PDE4D: variants seen among roughly 807,000 people sequenced by gnomAD.
PDE4D encodes the protein phosphodiesterase 4D.
Under a neutral mutation model 87.4 loss-of-function variants are expected in PDE4D, and 24 were observed. The ratio of observed to expected loss-of-function variants is 0.27; its 90% CI spans 0.20 to 0.39. PDE4D has a LOEUF of 0.39. Among genes scored for constraint, PDE4D ranks in the 10% least tolerant of loss-of-function variants. The pLI, the probability that PDE4D is intolerant of heterozygous loss-of-function variation, is 1.00. For missense variants in PDE4D, 714 were observed against 1,041.0 expected (o/e 0.69, Z 4.32); for synonymous variants, 384 against 383.2 (o/e 1.00, Z -0.02).
intron 1 of PDE4D, among the ~76,000 whole-genome samples, chr5:59,377,408 C>A (rs1210540059): frequency 2.1e-5 from 3 of 140,800 alleles, no homozygotes; most frequent in Non-Finnish European, 3.1e-5. Flanking sequence ...CAGAGTGAGA[C>A]ACCCATCTCA....
At chr5:59,090,680 C>T (rs1768539647) in intron 5 of PDE4D, among the ~76,000 whole-genome samples, 1 of 151,678 alleles carries the variant, frequency 6.6e-6, no homozygotes, top group Non-Finnish European at 1.5e-5. Flanking sequence ...TAGGAAACAG[C>T]AACAACAACA....
intron 1 of PDE4D, among the ~76,000 whole-genome samples, chr5:60,328,343 A>G (rs1186615685): frequency 1.3e-5 from 2 of 152,174 alleles, no homozygotes; most frequent in Non-Finnish European, 2.9e-5. Flanking sequence ...GATCCCAGTT[A>G]TTATCTCCCA....
At chr5:60,391,148 G>C (rs930137051) in intron 1 of PDE4D, among the ~76,000 whole-genome samples, 7 of 152,066 alleles carry the variant, frequency 4.6e-5, no homozygotes, top group Non-Finnish European at 1.0e-4. Flanking sequence ...CTTGTTTACT[G>C]TTTGGCCTAG....
At chr5:59,768,143 A>T (rs1182234576) in intron 1 of PDE4D, 1 of 1,353,292 alleles carries the variant, frequency 7.4e-7, no homozygotes. Context: ...CCCGGTGAGG[A>T]ATGATGATGG....
Position 60,055,213 on chromosome 5 carries a change from T to C in PDE4D, c.43-66496A>G, listed in dbSNP as rs1474228805. Among the ~76,000 whole-genome samples, 3 of 152,022 alleles carry C rather than the reference T, an allele frequency of 2.0e-5. No individual in the cohort carries two copies. In the East Asian group the frequency reaches 5.8e-4, roughly 29 times the overall value. ...TATGGTGTTATAGATTGCAAATATA[T>C]ATTAAATTTAATTAAATATCTGAAA... On this transcript the variant is annotated intron_variant, in intron 2 of 16. Coordinates refer to the PDE4D transcript ENST00000502484.
intron 1 of PDE4D, among the ~76,000 whole-genome samples, chr5:59,555,809 C>T (rs2153689579): frequency 6.6e-6 from 1 of 152,208 alleles, no homozygotes; most frequent in South Asian, 2.1e-4. Context: ...TGCTCCACTC[C>T]TACCCTCATC....
chr5:60,181,620 A>T (rs1784382281), intron 2 of PDE4D, among the ~76,000 whole-genome samples: 1 of 152,252 alleles, frequency 6.6e-6, no homozygotes, highest in Admixed American at 6.5e-5. Flanking sequence ...AATTTCATCA[A>T]GAAAATTAAC....
chr5:59,453,843 A>G (rs2153641915), intron 1 of PDE4D, among the ~76,000 whole-genome samples: 1 of 152,358 alleles, frequency 6.6e-6, no homozygotes, highest in Admixed American at 6.5e-5. Context: ...ACAAATTTCA[A>G]ATGTAGACAA....
At chr5:60,017,752 A>T (rs1178644571) in intron 2 of PDE4D, among the ~76,000 whole-genome samples, 1 of 152,216 alleles carries the variant, frequency 6.6e-6, no homozygotes, top group Non-Finnish European at 1.5e-5. Flanking sequence ...TGCTGCAATG[A>T]ACATACATGT....
chr5:59,332,293 T>G (rs1776871999), intron 1 of PDE4D, among the ~76,000 whole-genome samples: 1 of 152,212 alleles, frequency 6.6e-6, no homozygotes, highest in Non-Finnish European at 1.5e-5. Context: ...AATTACAATA[T>G]GTATGTATAT....
intron 1 of PDE4D, among the ~76,000 whole-genome samples, chr5:60,202,070 C>T (rs562196222): frequency 4.9e-4 from 75 of 152,234 alleles, no homozygotes; most frequent in Middle Eastern, 3.4e-3. Flanking sequence ...TATATGTGAA[C>T]GTTTTATTTC....
At chr5:59,279,275 C>T (rs1025063856) in intron 1 of PDE4D, among the ~76,000 whole-genome samples, 3 of 152,110 alleles carry the variant, frequency 2.0e-5, no homozygotes, top group African/African-American at 7.2e-5. Flanking sequence ...GCAGTTTTTA[C>T]AGTTTCCTGC....
chr5:60,246,573 T>C (rs572073541), intron 1 of PDE4D, among the ~76,000 whole-genome samples: 1 of 152,022 alleles, frequency 6.6e-6, no homozygotes, highest in East Asian at 1.9e-4. Context: ...GTTTAACCTA[T>C]GATAAATTAT....
At chr5:60,245,012 A>T (rs1327973659) in intron 1 of PDE4D, among the ~76,000 whole-genome samples, 1 of 152,014 alleles carries the variant, frequency 6.6e-6, no homozygotes, top group Non-Finnish European at 1.5e-5. Flanking sequence ...GAGAAAACCC[A>T]CAGAATGGGA....
rs554347205 is a variant in PDE4D, at chr5:59,029,453, A to T, written c.921+9406T>A. Reference sequence around the variant, plus strand: ...AAAAAAAAAACTTAGGAGCAAATCTAACCAACAAGGTGAAAGATCTATACA... The same window carrying T: ...AAAAAAAAAACTTAGGAGCAAATCTTACCAACAAGGTGAAAGATCTATACA... On this transcript the variant is annotated intron_variant, in intron 6 of 14. Transcript: ENST00000340635. Among the ~76,000 whole-genome samples the T allele has an allele frequency of 6.0e-5, 9 of 151,032 alleles. No individual in the cohort carries two copies. The East Asian group carries it at 1.7e-3, about 29-fold the overall frequency.
intron 1 of PDE4D, among the ~76,000 whole-genome samples, chr5:59,616,247 G>A (rs552432874): frequency 6.6e-6 from 1 of 151,770 alleles, no homozygotes; most frequent in Admixed American, 6.6e-5. Context: ...CAAACATGCT[G>A]GCTTTTTAAA....
At chr5:59,664,181 C>T (rs968198894) in intron 1 of PDE4D, among the ~76,000 whole-genome samples, 2 of 152,120 alleles carry the variant, frequency 1.3e-5, no homozygotes, top group Non-Finnish European at 2.9e-5. Context: ...GAACTTCATA[C>T]ATGCTTTCCT....
At chr5:59,801,878 T>C (rs1011561257) in intron 1 of PDE4D, among the ~76,000 whole-genome samples, 3 of 152,236 alleles carry the variant, frequency 2.0e-5, no homozygotes, top group Admixed American at 2.0e-4. Flanking sequence ...TTATTTTTCA[T>C]TTCTAGATCA....
intron 6 of PDE4D, among the ~76,000 whole-genome samples, chr5:59,001,179 A>G (rs1750467061): frequency 6.6e-6 from 1 of 152,168 alleles, no homozygotes. Flanking sequence ...TTAATACTAA[A>G]GAGGTCTTGT....
Sources: gnomAD v4.1 joint callset for allele counts (sites outside exome capture counted in the v4.1 genomes callset) on GRCh38, gnomAD v4.1.1 for gene constraint, MANE v1.5 for transcripts, NCBI Gene and HGNC (gene_info 2026-07-23, HGNC 2026-07-21) for gene names.